ABCB4: variants seen among roughly 807,000 people sequenced by gnomAD.
ABCB4 encodes ATP binding cassette subfamily B member 4, also known as phosphatidylcholine translocator ABCB4.
Under a neutral mutation model 145.7 loss-of-function variants are expected in ABCB4, and 76 were observed. The observed-to-expected ratio is 0.52, with a 90% CI of 0.43 to 0.63. The LOEUF (loss-of-function observed/expected upper bound fraction) is 0.63. Ranked by LOEUF, ABCB4 falls within the 30% of genes least tolerant of loss-of-function variation. The pLI, the probability that ABCB4 is intolerant of heterozygous loss-of-function variation, is 0.00. For synonymous variants in ABCB4, 517 were observed against 566.8 expected, an observed-to-expected ratio of 0.91 and a Z score of 1.25; for missense variants, 1,234 against 1,553.1, an observed-to-expected ratio of 0.79 and a Z score of 3.45.
chr7:87,433,936 C>CTTT (rs113879800), intron 14 of ABCB4, among the ~76,000 whole-genome samples: 19 of 141,740 alleles, frequency 1.3e-4, no homozygotes, highest in African/African-American at 4.9e-4. Flanking sequence ...CGTTTTCATT[C>CTTT]TTTTTTTTTT....
downstream of ABCB4, chr7:87,399,726 C>T (rs372979931): frequency 1.3e-5 from 2 of 152,226 alleles, no homozygotes. Flanking sequence ...AGTTTTTACT[C>T]TCAAAAAATG....
At chr7:87,472,105 C>G (rs1813459371) in intron 3 of ABCB4, among the ~76,000 whole-genome samples, 1 of 152,172 alleles carries the variant, frequency 6.6e-6, no homozygotes, top group Non-Finnish European at 1.5e-5. Context: ...GCCAGCCTGT[C>G]TCTACTTTTT....
Position 87,426,876 on chromosome 7 carries a change from A to G in ABCB4, c.1938T>C (p.Asp646=), listed in dbSNP as rs553616378. 1.5e-3 allele frequency: 2,390 copies of G among 1,613,704 alleles called. 59 individuals carry two copies. In the South Asian group the frequency reaches 0.025, roughly 17 times the overall value. The change falls in exon 16 of 28, where the codon GAT becomes GAC. Residue 646 remains aspartate (D), a synonymous_variant. Transcript: ENST00000649586. ...QIQSEEFELN[D]EKAATRMAPN... ...GGGCCATTCTAGTGGCAGCCTTTTCATCATTTAGTTCAAATTCTTCTGACT... is the reference window on the plus strand; with the variant it reads ...GGGCCATTCTAGTGGCAGCCTTTTCGTCATTTAGTTCAAATTCTTCTGACT...
chr7:87,400,321 T>C (rs1357888056), downstream of ABCB4, among the ~76,000 whole-genome samples: 1 of 152,228 alleles, frequency 6.6e-6, no homozygotes, highest in Admixed American at 6.5e-5. Context: ...TTTTAATATA[T>C]GTAAAGATTA....
chr7:87,472,256 C>T (rs1013800245), intron 3 of ABCB4, among the ~76,000 whole-genome samples: 4 of 152,074 alleles, frequency 2.6e-5, no homozygotes, highest in African/African-American at 9.7e-5. Context: ...TCTTGCTCTG[C>T]CACCCAGGCT....
At chr7:87,371,686 A>C in the ABCB4 span, among the ~76,000 whole-genome samples, 36 of 152,236 alleles carry the variant, frequency 2.4e-4, no homozygotes, top group African/African-American at 8.7e-4. Flanking sequence ...TGGTACTATT[A>C]AACTTAAAAC....
the ABCB4 span, chr7:87,382,057 G>A: frequency 6.3e-7 from 1 of 1,587,232 alleles, no homozygotes; most frequent in Non-Finnish European, 8.6e-7. Context: ...ATATTTTTAA[G>A]TCTTCCCTAT....
chr7:87,421,215 C>T lies in ABCB4; in HGVS notation c.2316+906G>A, dbSNP rs1336616659. On this transcript the variant is annotated intron_variant, in intron 18 of 27. Transcript: ENST00000649586. ...AGTGTTGGGGTAGCCGTGCCGAGGG[C>T]ACACGGGGGAGTGCACATCAGAACT... Among the ~76,000 whole-genome samples the T allele has an allele frequency of 2.6e-5, 4 of 152,152 alleles. 1 individual carries two copies. In the Middle Eastern group the frequency reaches 9.5e-3, roughly 361 times the overall value.
intron 25 of ABCB4, among the ~76,000 whole-genome samples, chr7:87,407,255 G>A (rs1233924552): frequency 2.6e-5 from 4 of 152,116 alleles, no homozygotes; most frequent in South Asian, 2.1e-4. Flanking sequence ...TCCCACCATC[G>A]TATCAGCACA....
At chr7:87,437,789 C>G (rs1428181740) in intron 14 of ABCB4, among the ~76,000 whole-genome samples, 1 of 152,178 alleles carries the variant, frequency 6.6e-6, no homozygotes, top group Non-Finnish European at 1.5e-5. Context: ...AGCATCAAAG[C>G]CTGTGCTCTT....
intron 3 of ABCB4, among the ~76,000 whole-genome samples, chr7:87,463,246 AACACACACAC>A (rs56747933): frequency 5.4e-5 from 8 of 148,064 alleles, no homozygotes; most frequent in African/African-American, 2.0e-4. Flanking sequence ...ATTAAGTTTA[AACACACACAC>A]ACACACACAC....
At chr7:87,383,519 A>C in the ABCB4 span, among the ~76,000 whole-genome samples, 1 of 144,244 alleles carries the variant, frequency 6.9e-6, no homozygotes, top group East Asian at 2.0e-4. Context: ...TTTTTGAGTC[A>C]GAGTCTTGCT....
intron 4 of ABCB4, 104 bp downstream of exon 4, chr7:87,462,654 C>A (rs1812540118): frequency 1.8e-6 from 2 of 1,101,936 alleles, no homozygotes; most frequent in South Asian, 1.3e-5. Context: ...ACCAGATATC[C>A]AAATCATTAA....
the ABCB4 span, among the ~76,000 whole-genome samples, chr7:87,389,292 T>C: frequency 3.7e-3 from 563 of 152,330 alleles, 3 homozygotes; most frequent in African/African-American, 0.013. Flanking sequence ...CAAAGGATTA[T>C]AAATCTTTCT....
At chr7:87,392,491 C>A in the ABCB4 span, 1 of 1,155,146 alleles carries the variant, frequency 8.7e-7, no homozygotes, top group Non-Finnish European at 1.3e-6. Flanking sequence ...ATCCTAATTA[C>A]AATGAGCTTA....
the ABCB4 span, among the ~76,000 whole-genome samples, chr7:87,384,242 A>C: frequency 6.6e-6 from 1 of 151,998 alleles, no homozygotes; most frequent in Non-Finnish European, 1.5e-5. Flanking sequence ...GTCTATTAAG[A>C]TCATTTGTCA....
chr7:87,466,335 G>C (rs967015796), intron 3 of ABCB4, among the ~76,000 whole-genome samples: 1 of 152,124 alleles, frequency 6.6e-6, no homozygotes, highest in Non-Finnish European at 1.5e-5. Flanking sequence ...GAAACAAGAA[G>C]AGGAGTTTAG....
intron 5 of ABCB4, 89 bp downstream of exon 5, chr7:87,454,446 T>A: frequency 9.4e-7 from 1 of 1,061,644 alleles, no homozygotes; most frequent in Non-Finnish European, 1.4e-6. Flanking sequence ...GGGTAAAGAG[T>A]ACACGTTATT....
intron 17 of ABCB4, chr7:87,423,661 A>G (rs1809606667): frequency 2.0e-6 from 1 of 505,154 alleles, no homozygotes; most frequent in Admixed American, 3.2e-5. Context: ...AAATGAAGAG[A>G]GCTCATTAGA....
Sources: allele counts gnomAD v4.1 joint callset (sites outside exome capture counted in the v4.1 genomes callset), GRCh38; gene constraint gnomAD v4.1.1; transcripts MANE v1.5; gene names NCBI Gene and HGNC (gene_info 2026-07-23, HGNC 2026-07-21).